The following TPTE variants were observed in gnomAD, a reference collection of about 807,000 sequenced individuals.
The protein encoded by TPTE is putative tyrosine-protein phosphatase TPTE.
In TPTE, 59 loss-of-function variants were observed where a neutral mutation model predicts 84.1. The observed-to-expected ratio is 0.70, with a 90% CI of 0.57 to 0.87. TPTE has a LOEUF of 0.87. Among genes scored for constraint, TPTE ranks in the 40% least tolerant of loss-of-function variants. The probability of loss-of-function intolerance (pLI) is 0.00; values close to 1 mark genes in which losing one functional copy is unlikely to be tolerated. For missense variants in TPTE, 382 were observed against 659.6 expected (o/e 0.58, Z 4.61); for synonymous variants, 130 against 223.5 (o/e 0.58, Z 3.73).
chr21:10,591,820 C>G (rs1283211670), intron 18 of TPTE, among the ~76,000 whole-genome samples: 1 of 152,426 alleles, frequency 6.6e-6, no homozygotes, highest in Non-Finnish European at 1.5e-5. Flanking sequence ...TGTATGAATC[C>G]TTGAATGAGA....
intron 17 of TPTE, among the ~76,000 whole-genome samples, chr21:10,589,211 T>G (rs1436010904): frequency 3.3e-5 from 5 of 152,394 alleles, no homozygotes; most frequent in African/African-American, 4.8e-5. Flanking sequence ...TCCCTTTCCC[T>G]TCTCCCTAGA....
chr21:10,549,611 TTGAAGACAAGTC>T (rs1282299328), intron 7 of TPTE, among the ~76,000 whole-genome samples: 2 of 152,308 alleles, frequency 1.3e-5, no homozygotes, highest in African/African-American at 2.4e-5. Flanking sequence ...ATTTCTGAAC[TTGAAGACAAGTC>T]TTTTGAAATA....
rs569778869 is a variant in TPTE at position 10,541,435 on chromosome 21, T to A, written c.65+270T>A. 2.0e-5 allele frequency among the ~76,000 whole-genome samples: 3 copies of A among 152,386 alleles called. No individual in the cohort carries two copies. In the South Asian group the frequency reaches 6.2e-4, roughly 32 times the overall value. On this transcript the variant is annotated intron_variant, in intron 5 of 23. Coordinates refer to ENST00000618007, the MANE Select transcript of TPTE (RefSeq NM_199261.4). ...TTGCAGTGAGCTGAGAACATGCCGC[T>A]GCATTCCACCCTGGGCAGCAGGAGC...
intron 8 of TPTE, among the ~76,000 whole-genome samples, chr21:10,554,327 A>T (rs1469749962): frequency 6.6e-6 from 1 of 152,306 alleles, no homozygotes; most frequent in African/African-American, 2.4e-5. Context: ...ATTGTTGGTT[A>T]TTTGCTTGTT....
intron 19 of TPTE, among the ~76,000 whole-genome samples, chr21:10,594,583 T>C (rs1336165250): frequency 7.2e-5 from 11 of 152,294 alleles, no homozygotes; most frequent in Non-Finnish European, 1.5e-5. Flanking sequence ...TTACAGCCCT[T>C]AGGGAAAGGT....
chr21:10,533,058 T>A (rs1278529528), intron 3 of TPTE, among the ~76,000 whole-genome samples: 2 of 152,302 alleles, frequency 1.3e-5, no homozygotes, highest in African/African-American at 4.8e-5. Context: ...ATTTTTAGTT[T>A]TCATTTCTTC....
At chr21:10,555,200 A>G (rs1379375310) in intron 8 of TPTE, among the ~76,000 whole-genome samples, 3 of 152,246 alleles carry the variant, frequency 2.0e-5, no homozygotes, top group Admixed American at 2.0e-4. Context: ...TTAGTATCTC[A>G]TATCTTTTTT....
Position 10,603,617 on chromosome 21 carries a change from T to A in TPTE, c.1505T>A (p.Phe502Tyr). The part of the protein sequence containing the change: ...CSFYFWLHTS[F>Y]IENNRLYLPK... ...TTTTACTTCTGGTTGCACACATCTT[T>A]TATTGAAAATAACAGGTATGAATAT... Residue 502 changes from phenylalanine to tyrosine, a missense_variant, in exon 23 of 24, where the codon TTT (phenylalanine) becomes TAT (tyrosine). Transcript: ENST00000618007. The A allele has an allele frequency of 6.2e-7, 1 of 1,612,366 alleles. No homozygotes were observed. The highest frequency in any genetic ancestry group is 8.5e-7 in the Non-Finnish European group (1 of 1,178,686).
At chr21:10,584,693 T>C (rs111535777) in intron 17 of TPTE, among the ~76,000 whole-genome samples, 8,800 of 138,656 alleles carry the variant, frequency 0.063, no homozygotes, top group South Asian at 0.13. Flanking sequence ...TCTTTTGGAT[T>C]TTATGGTACA....
intron 8 of TPTE, among the ~76,000 whole-genome samples, chr21:10,558,639 C>T (rs1221639888): frequency 6.6e-6 from 1 of 152,300 alleles, no homozygotes; most frequent in Non-Finnish European, 1.5e-5. Flanking sequence ...GTCTTAGGCA[C>T]AGGCTGTGAG....
At chr21:10,601,823 A>G (rs1436147352) in intron 21 of TPTE, among the ~76,000 whole-genome samples, 1 of 152,312 alleles carries the variant, frequency 6.6e-6, no homozygotes, top group Non-Finnish European at 1.5e-5. Flanking sequence ...ACTGCACTTC[A>G]GCCTGGGTGA....
At chr21:10,525,888 C>T (rs1028778406) in intron 2 of TPTE, among the ~76,000 whole-genome samples, 3 of 152,308 alleles carry the variant, frequency 2.0e-5, no homozygotes. Flanking sequence ...ATTAGTTTCC[C>T]AAGGAACTTG....
At chr21:10,555,559 A>G (rs2074665727) in intron 8 of TPTE, among the ~76,000 whole-genome samples, 1 of 152,256 alleles carries the variant, frequency 6.6e-6, no homozygotes, top group African/African-American at 2.4e-5. Context: ...TCTCTCATGT[A>G]TAGCATGTAA....
intron 4 of TPTE, 48 bp downstream of exon 4, chr21:10,538,782 A>C: frequency 6.8e-6 from 11 of 1,614,054 alleles, no homozygotes; most frequent in Non-Finnish European, 9.3e-6. Flanking sequence ...ATAACTGAGC[A>C]TAGAAGTATT....
At chr21:10,534,455 G>GTT (rs1264811422) in intron 3 of TPTE, among the ~76,000 whole-genome samples, 1 of 152,300 alleles carries the variant, frequency 6.6e-6, no homozygotes, top group Non-Finnish European at 1.5e-5. Context: ...TGTTTGTTTT[G>GTT]TTTTTTTTAG....
chr21:10,528,760 CTGT>C (rs1291704424), intron 3 of TPTE, among the ~76,000 whole-genome samples: 4 of 152,420 alleles, frequency 2.6e-5, no homozygotes, highest in East Asian at 1.9e-4. Context: ...AGTGCTGCTG[CTGT>C]TGTTACTATT....
intron 7 of TPTE, among the ~76,000 whole-genome samples, chr21:10,547,907 C>T (rs2074498626): frequency 6.6e-6 from 1 of 152,302 alleles, no homozygotes; most frequent in Non-Finnish European, 1.5e-5. Flanking sequence ...CACTACATGC[C>T]CTCTCCCAAG....
chr21:10,601,982 CATG>C, intron 21 of TPTE, 73 bp from the exon 22 acceptor site: 2 of 1,487,394 alleles, frequency 1.3e-6, no homozygotes, highest in Non-Finnish European at 9.4e-7. Flanking sequence ...TACAGGAAGT[CATG>C]ATAAGTGAAA....
chr21:10,558,643 C>A (rs2074731130), intron 8 of TPTE, among the ~76,000 whole-genome samples: 1 of 152,310 alleles, frequency 6.6e-6, no homozygotes, highest in Non-Finnish European at 1.5e-5. Flanking sequence ...TAGGCACAGG[C>A]TGTGAGCATT....
Sources: gnomAD v4.1 joint callset for allele counts (sites outside exome capture counted in the v4.1 genomes callset) on GRCh38, gnomAD v4.1.1 for gene constraint, MANE v1.5 for transcripts, NCBI Gene and HGNC (gene_info 2026-07-23, HGNC 2026-07-21) for gene names.